RBFOX1: variants seen among roughly 807,000 people sequenced by gnomAD.
RBFOX1 encodes RNA binding protein fox-1 homolog 1.
A neutral mutation model predicts 57.7 loss-of-function variants in RBFOX1; 8 were observed. The observed-to-expected ratio is 0.14, with a 90% confidence interval of 0.08 to 0.25. The LOEUF is 0.25. Among genes scored for constraint, RBFOX1 ranks in the 10% least tolerant of loss-of-function variants. The probability of loss-of-function intolerance (pLI) is 1.00; values close to 1 mark genes in which losing one functional copy is unlikely to be tolerated. For missense variants in RBFOX1, 611 were observed against 548.5 expected, an observed-to-expected ratio of 1.11 and a Z score of -1.14; for synonymous variants, 326 against 222.4, an observed-to-expected ratio of 1.47 and a Z score of -4.15.
intron 3 of RBFOX1, among the ~76,000 whole-genome samples, chr16:6,793,780 T>C (rs1199085992): frequency 1.3e-5 from 2 of 152,154 alleles, no homozygotes; most frequent in Non-Finnish European, 2.9e-5. Flanking sequence ...ATTTTAGATT[T>C]ATGTTGGTGT....
chr16:7,317,664 C>T (rs990379732), intron 4 of RBFOX1, among the ~76,000 whole-genome samples: 4 of 152,120 alleles, frequency 2.6e-5, no homozygotes, highest in African/African-American at 4.8e-5. Context: ...TACCTCCACC[C>T]GCTGCCTCCA....
At chr16:7,399,673 T>C (rs904946537) in intron 4 of RBFOX1, among the ~76,000 whole-genome samples, 5 of 152,144 alleles carry the variant, frequency 3.3e-5, no homozygotes, top group Non-Finnish European at 7.4e-5. Context: ...CTGTTCTGTG[T>C]GTCTTCTAAG....
chr16:5,544,951 CTTTTTTTT>C (rs59873374), intron 2 of RBFOX1, among the ~76,000 whole-genome samples: 3 of 124,352 alleles, frequency 2.4e-5, no homozygotes, highest in Admixed American at 8.0e-5. Flanking sequence ...CTATTACATT[CTTTTTTTT>C]TTTTTTTTTT....
rs112528642 is a variant in RBFOX1, at chr16:5,384,627, A to G, written c.220-82589A>G. Among the ~76,000 whole-genome samples the G allele has an allele frequency of 7.9e-3, 1,210 of 152,328 alleles. 5 individuals carry two copies. Among genetic ancestry groups the G allele is most frequent in the Non-Finnish European group, 0.014 (935 of 68,026 alleles). On this transcript the variant is annotated intron_variant, in intron 1 of 2. Transcript: ENST00000585867. ...GAGGAGGCATTCTAGGTTTTTGAGCAGAAGAAGTAGTTGATAAAAATGAAA... is the reference window on the plus strand; with the variant it reads ...GAGGAGGCATTCTAGGTTTTTGAGCGGAAGAAGTAGTTGATAAAAATGAAA...
intron 2 of RBFOX1, 69 bp from the exon 3 acceptor site, chr16:6,654,534 A>C: frequency 1.6e-6 from 2 of 1,253,694 alleles, no homozygotes; most frequent in South Asian, 2.9e-5. Context: ...AACACCACTG[A>C]ATGTTCTCTG....
intron 4 of RBFOX1, among the ~76,000 whole-genome samples, chr16:5,938,244 G>A (rs1036108159): frequency 1.3e-5 from 2 of 152,168 alleles, no homozygotes; most frequent in Non-Finnish European, 2.9e-5. Context: ...TTTGTAGCCA[G>A]CTTTCTGGAA....
intron 1 of RBFOX1, among the ~76,000 whole-genome samples, chr16:6,210,563 C>A (rs1376081675): frequency 6.6e-6 from 1 of 151,444 alleles, no homozygotes; most frequent in Non-Finnish European, 1.5e-5. Context: ...GACCCTGTCT[C>A]TACAAAAAAT....
chr16:6,950,193 A>G (rs1345299252), intron 3 of RBFOX1, among the ~76,000 whole-genome samples: 6 of 150,308 alleles, frequency 4.0e-5, no homozygotes, highest in African/African-American at 9.9e-5. Context: ...CCTGACCTCA[A>G]GTGATCCACC....
intron 3 of RBFOX1, among the ~76,000 whole-genome samples, chr16:6,842,203 G>A (rs1263173655): frequency 6.6e-6 from 1 of 151,780 alleles, no homozygotes; most frequent in African/African-American, 2.4e-5. Context: ...GGAACTGAGT[G>A]TTAGCTATTT....
chr16:6,249,680 C>A (rs1380606189), intron 1 of RBFOX1, among the ~76,000 whole-genome samples: 4 of 151,902 alleles, frequency 2.6e-5, no homozygotes, highest in East Asian at 1.9e-4. Flanking sequence ...GCCAGGGCAT[C>A]CATGCCAAGT....
intron 2 of RBFOX1, among the ~76,000 whole-genome samples, chr16:6,351,391 G>A (rs1599946027): frequency 4.8e-5 from 3 of 62,890 alleles, no homozygotes; most frequent in African/African-American, 7.6e-5. Context: ...TTTTTTTCTT[G>A]AGGCAGAGTT....
chr16:7,084,260 G>T (rs1376572326), intron 4 of RBFOX1, among the ~76,000 whole-genome samples: 1 of 152,018 alleles, frequency 6.6e-6, no homozygotes, highest in African/African-American at 2.4e-5. Context: ...GTGTGTGTGT[G>T]TATAGAGGTA....
At chr16:6,293,085 A>T (rs1353407828) in intron 1 of RBFOX1, among the ~76,000 whole-genome samples, 1 of 152,086 alleles carries the variant, frequency 6.6e-6, no homozygotes, top group Non-Finnish European at 1.5e-5. Context: ...AGCCACACTC[A>T]GATAGTAGTG....
intron 3 of RBFOX1, among the ~76,000 whole-genome samples, chr16:5,837,380 T>C (rs2056494012): frequency 6.6e-6 from 1 of 152,082 alleles, no homozygotes; most frequent in Admixed American, 6.5e-5. Context: ...CTAAGAGATC[T>C]TATTGGACAC....
intron 1 of RBFOX1, among the ~76,000 whole-genome samples, chr16:6,106,011 T>G (rs2096373982): frequency 6.6e-6 from 1 of 152,094 alleles, no homozygotes; most frequent in Non-Finnish European, 1.5e-5. Flanking sequence ...TTTTTTTCCA[T>G]CCTAGTTAAA....
chr16:7,476,141 G>C (rs939246051), intron 4 of RBFOX1, among the ~76,000 whole-genome samples: 1 of 151,840 alleles, frequency 6.6e-6, no homozygotes, highest in Non-Finnish European at 1.5e-5. Context: ...AATTTTTGTA[G>C]TTTTTGTAGA....
At chr16:7,165,857 C>G (rs957109536) in intron 4 of RBFOX1, among the ~76,000 whole-genome samples, 6 of 151,638 alleles carry the variant, frequency 4.0e-5, no homozygotes. Flanking sequence ...TGATATTACT[C>G]CTTTTGATGT....
chr16:7,130,900 C>T (rs1299039430), intron 4 of RBFOX1, among the ~76,000 whole-genome samples: 2 of 152,134 alleles, frequency 1.3e-5, no homozygotes, highest in Non-Finnish European at 2.9e-5. Flanking sequence ...GACAGTGACA[C>T]AGCAATGACT....
chr16:5,843,741 G>A (rs534352393), intron 3 of RBFOX1, among the ~76,000 whole-genome samples: 31 of 152,230 alleles, frequency 2.0e-4, no homozygotes, highest in Admixed American at 6.5e-4. Context: ...TCCAAACTAC[G>A]CAGTTAGTAA....
Sources: gnomAD v4.1 joint callset for allele counts (sites outside exome capture counted in the v4.1 genomes callset) on GRCh38, gnomAD v4.1.1 for gene constraint, MANE v1.5 for transcripts, NCBI Gene and HGNC (gene_info 2026-07-23, HGNC 2026-07-21) for gene names.